DAB1: variants seen among roughly 807,000 people sequenced by gnomAD.
DAB1 encodes the protein DAB adaptor protein 1.
Under a neutral mutation model 64.6 loss-of-function variants are expected in DAB1, and 15 were observed. That is an observed-to-expected ratio of 0.23 (90% CI 0.16 to 0.36). The LOEUF (loss-of-function observed/expected upper bound fraction) is 0.36, where lower values mean the gene tolerates loss of function less well. Ranked by LOEUF, DAB1 falls within the 10% of genes least tolerant of loss-of-function variation. The probability of loss-of-function intolerance (pLI) is 1.00; values close to 1 mark genes in which losing one functional copy is unlikely to be tolerated. For synonymous variants in DAB1, 235 were observed against 251.9 expected, an observed-to-expected ratio of 0.93 and a Z score of 0.64; for missense variants, 596 against 706.7, an observed-to-expected ratio of 0.84 and a Z score of 1.78.
At chr1:57,319,892 A>C (rs1392979341) in intron 1 of DAB1, among the ~76,000 whole-genome samples, 1 of 152,144 alleles carries the variant, frequency 6.6e-6, no homozygotes, top group African/African-American at 2.4e-5. Flanking sequence ...GTTTTCCATG[A>C]AGTTCTATGA....
intron 6 of DAB1, among the ~76,000 whole-genome samples, chr1:57,782,839 A>C (rs983027333): frequency 1.3e-5 from 2 of 152,200 alleles, no homozygotes; most frequent in African/African-American, 4.8e-5. Flanking sequence ...TGCAATAAAT[A>C]GATTTATTTT....
At chr1:57,999,800 G>C (rs1402944415) in intron 5 of DAB1, among the ~76,000 whole-genome samples, 1 of 151,928 alleles carries the variant, frequency 6.6e-6, no homozygotes, top group Non-Finnish European at 1.5e-5. Flanking sequence ...TAAAAGCAGG[G>C]AGGGATGAGG....
At chr1:57,490,776 T>C (rs546598872) in intron 7 of DAB1, among the ~76,000 whole-genome samples, 2 of 152,238 alleles carry the variant, frequency 1.3e-5, no homozygotes, top group Non-Finnish European at 2.9e-5. Flanking sequence ...GGGCTTTAAA[T>C]TGTATGCTCC....
intron 2 of DAB1, among the ~76,000 whole-genome samples, chr1:57,269,811 T>A (rs2100585823): frequency 6.6e-6 from 1 of 152,244 alleles, no homozygotes; most frequent in African/African-American, 2.4e-5. Context: ...GGAGAGGGAC[T>A]GAGGTTGTTG....
chr1:58,527,966 G>A (rs1289402695), intron 1 of DAB1, among the ~76,000 whole-genome samples: 3 of 152,146 alleles, frequency 2.0e-5, no homozygotes, highest in Non-Finnish European at 4.4e-5. Context: ...CTAATTTTCA[G>A]TAAGTACTAA....
intron 5 of DAB1, among the ~76,000 whole-genome samples, chr1:57,979,364 C>T (rs898465207): frequency 6.6e-5 from 10 of 151,698 alleles, no homozygotes; most frequent in East Asian, 1.9e-4. Context: ...AGTTGAACAA[C>T]GAGAACACAT....
intron 3 of DAB1, among the ~76,000 whole-genome samples, chr1:58,428,794 A>G (rs1027839068): frequency 3.3e-5 from 5 of 152,248 alleles, no homozygotes; most frequent in African/African-American, 1.2e-4. Context: ...ACTTCTGTAC[A>G]TGTTTGAAAT....
At chr1:57,005,319 G>T (rs1279459474) in intron 14 of DAB1, among the ~76,000 whole-genome samples, 1 of 152,186 alleles carries the variant, frequency 6.6e-6, no homozygotes, top group Non-Finnish European at 1.5e-5. Flanking sequence ...CGCTGAAATT[G>T]CTGACACTAA....
At chr1:57,598,788 G>A (rs1174884846) in intron 7 of DAB1, among the ~76,000 whole-genome samples, 3 of 152,124 alleles carry the variant, frequency 2.0e-5, no homozygotes, top group Non-Finnish European at 2.9e-5. Context: ...AGATCGAGTG[G>A]CCAGTTGGTG....
At chr1:57,388,437 G>A (rs963857589) in intron 1 of DAB1, among the ~76,000 whole-genome samples, 2 of 152,052 alleles carry the variant, frequency 1.3e-5, no homozygotes, top group African/African-American at 4.8e-5. Context: ...CCTCGTGTAG[G>A]TGGTTCTGTC....
At chr1:58,031,016 G>A (rs941166161) in intron 5 of DAB1, among the ~76,000 whole-genome samples, 2 of 152,276 alleles carry the variant, frequency 1.3e-5, no homozygotes, top group Middle Eastern at 6.8e-3. Flanking sequence ...TCTTCTCCAG[G>A]TAGGAAGTTC....
rs370442902 is a variant in DAB1, at chr1:58,307,574, C to T, written n.309+35778G>A. ...AGTTTCTACTAGATTCCAGGTGGCACGCCAGGAGCCTGGATTACACTGGTG... is the reference window on the plus strand; with the variant it reads ...AGTTTCTACTAGATTCCAGGTGGCATGCCAGGAGCCTGGATTACACTGGTG... On this transcript the variant is annotated intron_variant and non_coding_transcript_variant, in intron 4 of 20. Transcript: ENST00000485760. Among the ~76,000 whole-genome samples the T allele has an allele frequency of 5.3e-5, 8 of 152,148 alleles. No individual in the cohort carries two copies. In the East Asian group the frequency reaches 7.7e-4, roughly 15 times the overall value.
At chr1:57,446,527 G>A (rs1686145669) in intron 7 of DAB1, among the ~76,000 whole-genome samples, 1 of 151,738 alleles carries the variant, frequency 6.6e-6, no homozygotes, top group Admixed American at 6.6e-5. Context: ...GAACCTGGGA[G>A]GTGGAGGTTG....
intron 3 of DAB1, among the ~76,000 whole-genome samples, chr1:58,394,692 G>C (rs1336585033): frequency 6.6e-6 from 1 of 152,170 alleles, no homozygotes; most frequent in Non-Finnish European, 1.5e-5. Flanking sequence ...TTCTGGAAAA[G>C]GCAAAGCTAT....
At chr1:57,498,787 A>G (rs1379293016) in intron 7 of DAB1, among the ~76,000 whole-genome samples, 1 of 152,196 alleles carries the variant, frequency 6.6e-6, no homozygotes, top group African/African-American at 2.4e-5. Flanking sequence ...TCTGGAAGGA[A>G]GTTTATTTAT....
At chr1:58,541,519 G>C (rs1484680139) in intron 1 of DAB1, 2 of 147,506 alleles carry the variant, frequency 1.4e-5, no homozygotes, top group Non-Finnish European at 3.0e-5. Context: ...GGGAGGCTGA[G>C]GCAGGAGAAT....
At position 57,989,521 on chromosome 1, in the gene DAB1, T is replaced by C. The variant is rs538679123; in HGVS notation, n.388-105359A>G. Among the ~76,000 whole-genome samples the C allele has an allele frequency of 1.8e-3, 268 of 152,288 alleles. 2 individuals carry two copies. Among genetic ancestry groups the C allele is most frequent in the African/African-American group, 6.1e-3 (253 of 41,558 alleles). On this transcript the variant is annotated intron_variant and non_coding_transcript_variant, in intron 5 of 20. Coordinates refer to the DAB1 transcript ENST00000485760. Reference sequence around the variant, plus strand: ...TAAAGTTCTTCCCACCCCATGAAGATGCCCTCACCCCTCAATTTCTCCTGA... The same window carrying C: ...TAAAGTTCTTCCCACCCCATGAAGACGCCCTCACCCCTCAATTTCTCCTGA...
intron 1 of DAB1, among the ~76,000 whole-genome samples, chr1:57,828,370 A>C (rs529134082): frequency 6.6e-6 from 1 of 152,232 alleles, no homozygotes; most frequent in Non-Finnish European, 1.5e-5. Context: ...CTTTTTCCAC[A>C]GCACCATACA....
intron 6 of DAB1, among the ~76,000 whole-genome samples, chr1:57,760,627 C>CACACACACACACACAG (rs1312152272): frequency 3.4e-5 from 2 of 58,490 alleles, no homozygotes; most frequent in Non-Finnish European, 7.4e-5. Context: ...CTCTCACACA[C>CACACACACACACACAG]ACACACACAC....
Sources: allele counts gnomAD v4.1 joint callset (sites outside exome capture counted in the v4.1 genomes callset), GRCh38; gene constraint gnomAD v4.1.1; transcripts MANE v1.5; gene names NCBI Gene and HGNC (gene_info 2026-07-23, HGNC 2026-07-21).